The following IL17B variants were observed in gnomAD, a reference collection of about 807,000 sequenced individuals.
IL17B encodes the protein interleukin-17B.
In IL17B, 14 loss-of-function variants were observed where a neutral mutation model predicts 14.7. The observed-to-expected ratio is 0.95, with a 90% confidence interval of 0.63 to 1.49. The LOEUF is 1.49. IL17B is among the 40% of genes most tolerant of loss of function. The probability of loss-of-function intolerance (pLI) is 0.00; values close to 1 mark genes in which losing one functional copy is unlikely to be tolerated. For missense variants in IL17B, 233 were observed against 252.8 expected, an observed-to-expected ratio of 0.92 and a Z score of 0.53; for synonymous variants, 105 against 94.8, an observed-to-expected ratio of 1.11 and a Z score of -0.62.
chr5:149,394,198 C>A (rs1759046798), intron 1 of IL17B, among the ~76,000 whole-genome samples: 1 of 152,154 alleles, frequency 6.6e-6, no homozygotes, highest in Non-Finnish European at 1.5e-5. Context: ...CGCAGATGAA[C>A]TATATTCATG....
intron 1 of IL17B, among the ~76,000 whole-genome samples, chr5:149,399,328 G>A (rs1440192689): frequency 1.3e-5 from 2 of 152,162 alleles, no homozygotes; most frequent in African/African-American, 2.4e-5. Context: ...CCAAAAGCTT[G>A]GCCTCCTGGT....
At chr5:149,401,227 T>C (rs1448375006) in intron 1 of IL17B, among the ~76,000 whole-genome samples, 1 of 152,250 alleles carries the variant, frequency 6.6e-6, no homozygotes, top group Admixed American at 6.5e-5. Flanking sequence ...AAGCTTCCGA[T>C]TCCCTGTAGT....
rs774590961 is a variant in IL17B at position 149,374,553 on chromosome 5, C to T, written c.359G>A (p.Arg120Gln). Residue 120 changes from arginine (R) to glutamine (Q), a missense_variant, in exon 3 of 3, where the codon CGG becomes CAG. Coordinates refer to ENST00000261796, the MANE Select transcript of IL17B (RefSeq NM_014443.3). The surrounding 1 kb of genome is among the most constrained non-coding windows in gnomAD (Gnocchi z 5.0). ...SRIPVDLPEA[R>Q]CLCLGCVNPF... ...GTTCACACAGCCCAGACACAGGCAC[C>T]GTGCCTCCGGCAGGTCCACGGGGAT... The T allele has an allele frequency of 1.6e-5, 26 of 1,612,918 alleles. No individual in the cohort carries two copies. The East Asian group carries it at 2.0e-4, about 12-fold the overall frequency.
chr5:149,379,383 G>A (rs1489677271), upstream of IL17B: 21 of 818,314 alleles, frequency 2.6e-5, no homozygotes, highest in East Asian at 2.9e-4. Flanking sequence ...TGGGAGCCTT[G>A]GGCCCCCAGC....
At chr5:149,397,064 G>T (rs545189461) in intron 1 of IL17B, among the ~76,000 whole-genome samples, 1 of 152,208 alleles carries the variant, frequency 6.6e-6, no homozygotes, top group African/African-American at 2.4e-5. Flanking sequence ...GAGTGGTTGT[G>T]GTCTACACAT....
upstream of IL17B, among the ~76,000 whole-genome samples, chr5:149,380,958 C>T (rs779103358): frequency 1.3e-5 from 2 of 152,246 alleles, no homozygotes; most frequent in Non-Finnish European, 2.9e-5. Flanking sequence ...AAAATACCTC[C>T]TCAGGCAACA....
chr5:149,389,018 A>T (rs1758885832), intron 1 of IL17B, among the ~76,000 whole-genome samples: 2 of 152,252 alleles, frequency 1.3e-5, no homozygotes, highest in Non-Finnish European at 2.9e-5. Flanking sequence ...AGTCTAGTTC[A>T]CAGGAAGAAC....
At chr5:149,391,296 T>C (rs1009658930) in intron 1 of IL17B, among the ~76,000 whole-genome samples, 2 of 152,144 alleles carry the variant, frequency 1.3e-5, no homozygotes, top group African/African-American at 4.8e-5. Context: ...CAAAGCCTCT[T>C]AACTCTGGGT....
intron 1 of IL17B, among the ~76,000 whole-genome samples, chr5:149,397,405 G>A (rs1759113493): frequency 1.3e-5 from 2 of 152,150 alleles, no homozygotes; most frequent in South Asian, 4.1e-4. Context: ...CTGACCTCAG[G>A]TGATCCACCC....
intron 1 of IL17B, among the ~76,000 whole-genome samples, chr5:149,395,405 T>C (rs1000429253): frequency 2.2e-4 from 34 of 152,230 alleles, no homozygotes; most frequent in African/African-American, 7.7e-4. Flanking sequence ...CATGTTTTTA[T>C]GGTGTCTTGG....
Position 149,402,080 on chromosome 5 carries a change from G to T in IL17B, n.95+2028C>A, listed in dbSNP as rs1759214945. ...ATGCAGCCCAGCTGCTCTCTACAGG[G>T]TTTTCACTGCCTCCCTCTTACACAC... On this transcript the variant is annotated intron_variant and non_coding_transcript_variant, in intron 1 of 2. Coordinates refer to the IL17B transcript ENST00000505432. Among the ~76,000 whole-genome samples, 3 of 152,196 alleles carry T rather than the reference G, an allele frequency of 2.0e-5. No homozygotes were observed. The South Asian group carries it at 6.2e-4, about 32-fold the overall frequency.
At chr5:149,402,080 G>A (rs1759214945) in intron 1 of IL17B, among the ~76,000 whole-genome samples, 1 of 152,196 alleles carries the variant, frequency 6.6e-6, no homozygotes, top group Non-Finnish European at 1.5e-5. Flanking sequence ...TCTCTACAGG[G>A]TTTTCACTGC....
chr5:149,386,364 C>T lies in IL17B; in HGVS notation n.96-9339G>A, dbSNP rs770755064. ...TGTGCACAACACAACACTTAGAGCA[C>T]AGGCAGCAACTCTGACACACATCAC... is the stretch of plus-strand genomic sequence containing the variant. On this transcript the variant is annotated intron_variant and non_coding_transcript_variant, in intron 1 of 2. Transcript: ENST00000505432. Among the ~76,000 whole-genome samples the T allele has an allele frequency of 3.3e-5, 5 of 152,292 alleles. No homozygotes were observed. The South Asian group carries it at 1.0e-3, about 32-fold the overall frequency.
intron 1 of IL17B, among the ~76,000 whole-genome samples, chr5:149,399,192 T>C (rs553843144): frequency 6.6e-6 from 1 of 152,254 alleles, no homozygotes; most frequent in East Asian, 1.9e-4. Flanking sequence ...AGCCAAACCA[T>C]ATCACTCCCC....
intron 1 of IL17B, among the ~76,000 whole-genome samples, chr5:149,390,626 C>CAGAGAGAG (rs1470489789): frequency 6.9e-6 from 1 of 145,592 alleles, no homozygotes; most frequent in African/African-American, 2.6e-5. Context: ...CACACACACA[C>CAGAGAGAG]ACACAGAGAT....
chr5:149,386,643 G>A (rs929704562), intron 1 of IL17B, among the ~76,000 whole-genome samples: 1 of 152,194 alleles, frequency 6.6e-6, no homozygotes, highest in Non-Finnish European at 1.5e-5. Context: ...GAGTTATTGA[G>A]GAGGGTTCAT....
intron 1 of IL17B, among the ~76,000 whole-genome samples, chr5:149,398,827 A>G (rs898209645): frequency 4.6e-5 from 7 of 152,210 alleles, no homozygotes; most frequent in Non-Finnish European, 8.8e-5. Context: ...AATCTCTTGA[A>G]CCAGGGAGGC....
intron 1 of IL17B, among the ~76,000 whole-genome samples, chr5:149,397,534 G>A (rs564701103): frequency 6.8e-4 from 104 of 152,218 alleles, no homozygotes; most frequent in Non-Finnish European, 1.2e-3. Flanking sequence ...GCCTTTTTGC[G>A]AGGGAACAAT....
rs1342515882 is a variant in IL17B, at chr5:149,377,043, A to C, written c.22-18T>G. On this transcript the variant is annotated intron_variant, in intron 1 of 2. Coordinates refer to ENST00000261796, the MANE Select transcript of IL17B (RefSeq NM_014443.3). ...AGAAACAGCTGGGGAGGAAAGCCAC[A>C]GGTCAAAGGTGGGAGAGCCAAGTCT... 6.6e-7 allele frequency: 1 copy of C among 1,525,372 alleles called. No individual in the cohort carries two copies. Among genetic ancestry groups the C allele is most frequent in the Non-Finnish European group, 8.8e-7 (1 of 1,141,064 alleles). The allele number at this position is 1,525,372 out of a possible 1,614,324, so 94.5% of individuals were successfully genotyped here.
Sources: allele counts gnomAD v4.1 joint callset (sites outside exome capture counted in the v4.1 genomes callset), GRCh38; gene constraint gnomAD v4.1.1; non-coding constraint Gnocchi (gnomAD v3.1); transcripts MANE v1.5; gene names NCBI Gene and HGNC (gene_info 2026-07-23, HGNC 2026-07-21).